NT5DC4: variants seen among roughly 807,000 people sequenced by gnomAD.
NT5DC4 encodes the protein 5'-nucleotidase domain-containing protein 4.
NT5DC4 carries 44 observed loss-of-function variants against 26.6 expected under a neutral mutation model. The ratio of observed to expected loss-of-function variants is 1.65; its 90% CI spans 1.30 to 2.13. NT5DC4 has a LOEUF of 2.13. Ranked by LOEUF, NT5DC4 falls within the 30% of genes most tolerant of loss-of-function variation. The probability of loss-of-function intolerance (pLI) is 0.00; values close to 1 mark genes in which losing one functional copy is unlikely to be tolerated. For missense variants in NT5DC4, 399 were observed against 228.1 expected, an observed-to-expected ratio of 1.75 and a Z score of -4.83; for synonymous variants, 157 against 86.7, an observed-to-expected ratio of 1.81 and a Z score of -4.51.
intron 16 of NT5DC4, 172 bp from the exon 17 acceptor site, chr2:112,738,739 CTT>C: frequency 1.1e-6 from 1 of 916,246 alleles, no homozygotes; most frequent in East Asian, 2.5e-5. Flanking sequence ...TGATGCCTCT[CTT>C]TTTTTCCAGG....
chr2:112,729,669 G>A lies in NT5DC4; in HGVS notation c.1309G>A (p.Asp437Asn), dbSNP rs779405885. The A allele has an allele frequency of 1.7e-5, 12 of 717,914 alleles. No individual in the cohort carries two copies. The South Asian group carries it at 1.8e-4, about 11-fold the overall frequency. The allele number at this position is 717,914 out of a possible 1,614,324, so 44.5% of individuals were successfully genotyped here. The change falls in exon 16 of 17, where the codon GAC (aspartate) becomes AAC (asparagine). Residue 437 changes from aspartate to asparagine, a missense_variant. Asp to Asn is a conservative substitution (Grantham distance 23, BLOSUM62 1). Transcript: ENST00000688554. ...SVVEQEQANL[D>N]PASCLLSCNQ... ...TGTGGAGCAAGAACAGGCCAATCTA[G>A]ACCCTGCCTCCTGCCTCCTCTCCTG...
Position 112,722,581 on chromosome 2 carries a change from A to G in NT5DC4, c.461A>G (p.Asn154Ser), listed in dbSNP as rs985780237. ...TTCTACATACTCAACATGCTCTTCA[A>G]CCTGCCTGGTGGGTGGAGGGTTGGG... Reference protein sequence around the residue: ...QCFYILNMLFNLPETYLYACL... With the variant: ...QCFYILNMLFSLPETYLYACL... Residue 154 changes from asparagine to serine, a missense_variant, in exon 5 of 17, where the codon AAC becomes AGC. Physicochemically the swap from Asn to Ser is conservative, Grantham distance 46. Transcript: ENST00000688554. 2 of 717,386 alleles carry G rather than the reference A, an allele frequency of 2.8e-6. No individual in the cohort carries two copies. Among genetic ancestry groups the G allele is most frequent in the Non-Finnish European group, 5.2e-6 (2 of 385,062 alleles). 44.4% of individuals were successfully genotyped at this position (717,386 alleles called of 1,614,324 possible).
intron 1 of NT5DC4, 150 bp from the exon 2 acceptor site, chr2:112,721,668 C>T: frequency 2.8e-6 from 2 of 715,458 alleles, no homozygotes; most frequent in Non-Finnish European, 5.2e-6. Flanking sequence ...AGGCAGGGCC[C>T]TGGCTTGGCC....
chr2:112,721,436 A>T, intron 1 of NT5DC4: 2 of 716,962 alleles, frequency 2.8e-6, no homozygotes, highest in South Asian at 3.0e-5. Flanking sequence ...TGTGACAAAC[A>T]CATCATCTCT....
At chr2:112,738,052 C>G (rs1242702579) in intron 16 of NT5DC4, 1 of 152,166 alleles carries the variant, frequency 6.6e-6, no homozygotes, top group Non-Finnish European at 1.5e-5. Context: ...CTGGGGCTTG[C>G]ACTGCCTTCT....
Position 112,722,487 on chromosome 2 carries a change from C to A in NT5DC4, c.367C>A (p.Pro123Thr). The change falls in exon 5 of 17, where the codon CCC becomes ACC. Residue 123 changes from proline to threonine, a missense_variant. Coordinates refer to ENST00000688554, the MANE Select transcript of NT5DC4 (RefSeq NM_001393655.1). ...GGGGTCATTGGCTGCACCCAGCCTACCCCTCCTCAGGGCAGAGATCTGGAG... is the reference window on the plus strand; with the variant it reads ...GGGGTCATTGGCTGCACCCAGCCTAACCCTCCTCAGGGCAGAGATCTGGAG... ...AYGFTFLSDL[P>T]LLRAEIWSFY... The A allele has an allele frequency of 1.4e-6, 1 of 717,262 alleles. No homozygotes were observed. Among genetic ancestry groups the A allele is most frequent in the Non-Finnish European group, 2.6e-6 (1 of 385,050 alleles). The allele number at this position is 717,262 out of a possible 1,614,324, so 44.4% of individuals were successfully genotyped here.
chr2:112,722,999 G>A (rs1558723715), intron 6 of NT5DC4, 82 bp from the exon 7 acceptor site: 2 of 488,066 alleles, frequency 4.1e-6, no homozygotes, highest in South Asian at 2.3e-5. Flanking sequence ...GGCTGGTGGG[G>A]TTGCTCTGGT....
chr2:112,742,691 C>A (rs375004681), downstream of NT5DC4: 16 of 1,536,078 alleles, frequency 1.0e-5, no homozygotes, highest in Admixed American at 7.2e-5. Context: ...AATTTAAATT[C>A]AAAAATAATA....
At chr2:112,721,595 T>G in intron 1 of NT5DC4, 1 of 717,572 alleles carries the variant, frequency 1.4e-6, no homozygotes, top group Non-Finnish European at 2.6e-6. Context: ...GATGCACGCT[T>G]GCACACATGC....
Position 112,721,856 on chromosome 2 carries a change from G to T in NT5DC4, c.113G>T (p.Arg38Leu). 1 of 717,362 alleles carries T rather than the reference G, an allele frequency of 1.4e-6. No homozygotes were observed. Among genetic ancestry groups the T allele is most frequent in the African/African-American group, 1.7e-5 (1 of 57,390 alleles). The allele number at this position is 717,362 out of a possible 1,614,324, so 44.4% of individuals were successfully genotyped here. The stretch of plus-strand genomic sequence containing the variant: ...CGCAGCCTGGCGCTGGGGAAGATTC[G>T]TTGCTTTGGCTTCGACATGGACTAC... ...VNRSLALGKI[R>L]CFGFDMDYTL... The change falls in exon 2 of 17, where the codon CGT (arginine) becomes CTT (leucine). Residue 38 changes from arginine to leucine, a missense_variant. Arg to Leu is a moderately radical substitution (Grantham distance 102). Coordinates refer to ENST00000688554, the MANE Select transcript of NT5DC4 (RefSeq NM_001393655.1).
chr2:112,721,995 C>A lies in NT5DC4; in HGVS notation c.158C>A (p.Ser53Tyr), dbSNP rs1008675937. ...GTCCGGGCCTCTGCAGCCTACAAGT[C>A]CCCAGCTTATGAGGCCCTGACCTTC... ...DMDYTLAAYK[S>Y]PAYEALTFEL... Residue 53 changes from serine (S) to tyrosine (Y), a missense_variant, in exon 3 of 17, where the codon TCC becomes TAC. By Grantham distance (144) the Ser-to-Tyr change is moderately radical. Transcript: ENST00000688554. 3 of 717,172 alleles carry A rather than the reference C, an allele frequency of 4.2e-6. No individual in the cohort carries two copies. The African/African-American group carries it at 5.2e-5, about 13-fold the overall frequency. 44.4% of individuals were successfully genotyped at this position (717,172 alleles called of 1,614,324 possible).
intron 16 of NT5DC4, among the ~76,000 whole-genome samples, chr2:112,733,026 C>T (rs1258200199): frequency 6.6e-6 from 1 of 152,064 alleles, no homozygotes; most frequent in Non-Finnish European, 1.5e-5. Flanking sequence ...TATTGAAAGA[C>T]ACATGTCACC....
rs34781106 is a variant in NT5DC4, at chr2:112,722,168, AC to A, written c.267-9del. On this transcript the variant is annotated splice_polypyrimidine_tract_variant and intron_variant, in intron 3 of 16. Transcript: ENST00000688554. ...GTACCCCCACCCACAGTGCCCCCCG[AC>A]CCCCCGTCTGCAGGCGGCTGGTGTT... The A allele has an allele frequency of 0.97, 692,170 of 716,782 alleles. 335,073 individuals are homozygous for A. The highest frequency in any genetic ancestry group is 0.99 in the Non-Finnish European group (382,162 of 385,060). The allele number at this position is 716,782 out of a possible 1,614,324, so 44.4% of individuals were successfully genotyped here. A position where few individuals can be genotyped will look rare whatever the true frequency, so the allele number is the denominator to read the frequency against.
At position 112,724,981 on chromosome 2, in the gene NT5DC4, T is replaced by C. The variant is rs1262694049; in HGVS notation, c.915+75T>C. ...GCCCCTTAGACTTGACCTGCCTTTA[T>C]AGCTGGCAGCTCTGCTGGCCTGTCT... On this transcript the variant is annotated intron_variant, in intron 11 of 16. Coordinates refer to ENST00000688554, the MANE Select transcript of NT5DC4 (RefSeq NM_001393655.1). The C allele has an allele frequency of 7.1e-5, 49 of 694,186 alleles. No homozygotes were observed. The Admixed American group carries it at 9.9e-4, about 14-fold the overall frequency. 43.0% of individuals were successfully genotyped at this position (694,186 alleles called of 1,614,324 possible).
intron 16 of NT5DC4, among the ~76,000 whole-genome samples, chr2:112,732,870 G>T (rs905631909): frequency 6.6e-6 from 1 of 152,040 alleles, no homozygotes; most frequent in Non-Finnish European, 1.5e-5. Flanking sequence ...TTAGTCCCTC[G>T]CTCATAGGCC....
At chr2:112,719,481 C>CTTTT (rs57789268), upstream of NT5DC4, among the ~76,000 whole-genome samples, 4,781 of 101,176 alleles carry the variant, frequency 0.047, 392 homozygotes, top group Non-Finnish European at 0.061. Flanking sequence ...ACTTGTCTGT[C>CTTTT]TTTTTTTTTT....
chr2:112,735,417 C>A (rs538614774), intron 16 of NT5DC4, among the ~76,000 whole-genome samples: 1 of 152,110 alleles, frequency 6.6e-6, no homozygotes, highest in East Asian at 1.9e-4. Context: ...CAAATGTGAA[C>A]CATCATGCCT....
intron 14 of NT5DC4, 45 bp downstream of exon 14, chr2:112,726,334 T>C: frequency 1.4e-6 from 1 of 716,012 alleles, no homozygotes; most frequent in Non-Finnish European, 2.6e-6. Context: ...CAGGGAGAGG[T>C]ATGGAGGGGC....
chr2:112,727,565 T>C (rs1425446620), intron 15 of NT5DC4, among the ~76,000 whole-genome samples: 3 of 152,154 alleles, frequency 2.0e-5, no homozygotes, highest in South Asian at 2.1e-4. Context: ...GGCAGGTAAC[T>C]GTGATGGAAA....
Sources: allele counts gnomAD v4.1 joint callset (sites outside exome capture counted in the v4.1 genomes callset), GRCh38; gene constraint gnomAD v4.1.1; transcripts MANE v1.5; gene names NCBI Gene and HGNC (gene_info 2026-07-23, HGNC 2026-07-21).